The following WNT2B variants were observed in gnomAD, a reference collection of about 807,000 sequenced individuals.
The protein encoded by WNT2B is protein Wnt-2b.
Under a neutral mutation model 40.5 loss-of-function variants are expected in WNT2B, and 19 were observed. The ratio of observed to expected loss-of-function variants is 0.47; its 90% CI spans 0.33 to 0.69. The LOEUF is 0.69. Among genes scored for constraint, WNT2B ranks in the 30% least tolerant of loss-of-function variants. WNT2B has a pLI of 0.02. For synonymous variants in WNT2B, 220 were observed against 211.9 expected, an observed-to-expected ratio of 1.04 and a Z score of -0.33; for missense variants, 467 against 556.4, an observed-to-expected ratio of 0.84 and a Z score of 1.62.
chr1:112,496,097 A>G (rs1456338238), intron 1 of WNT2B, among the ~76,000 whole-genome samples: 1 of 152,156 alleles, frequency 6.6e-6, no homozygotes, highest in African/African-American at 2.4e-5. Flanking sequence ...CATGAATTCC[A>G]TGGGGGATGG....
chr1:112,476,824 G>A (rs919905872), intron 1 of WNT2B, among the ~76,000 whole-genome samples: 2 of 152,140 alleles, frequency 1.3e-5, no homozygotes, highest in African/African-American at 4.8e-5. Context: ...CAGTGGCCAA[G>A]ATTACCAACT....
In WNT2B at chr1:112,491,137, C is replaced by A. The variant is rs186533432; in HGVS notation, c.-95+23546C>A. ...ATTATAAAAAATAAATTGGCCTGCA[C>A]GGTGGCTCGTGCCTGTAATCCCAGC... On this transcript the variant is annotated intron_variant, in intron 1 of 4. Coordinates refer to the WNT2B transcript ENST00000256640. 1.3e-4 allele frequency: 200 copies of A among 1,537,602 alleles called. No individual in the cohort carries two copies. In the East Asian group the frequency reaches 2.9e-3, roughly 22 times the overall value.
intron 1 of WNT2B, among the ~76,000 whole-genome samples, chr1:112,480,138 T>C (rs1279953131): frequency 1.3e-5 from 2 of 152,032 alleles, no homozygotes; most frequent in Non-Finnish European, 2.9e-5. Context: ...GATGGGCAGA[T>C]CACTTGAGGT....
chr1:112,485,169 G>A (rs987647154), intron 1 of WNT2B, among the ~76,000 whole-genome samples: 12 of 152,138 alleles, frequency 7.9e-5, no homozygotes, highest in African/African-American at 2.9e-4. Context: ...TAAAGTTATA[G>A]TCGTCAGGCC....
intron 1 of WNT2B, among the ~76,000 whole-genome samples, chr1:112,468,751 G>T (rs1282836287): frequency 6.6e-6 from 1 of 152,038 alleles, no homozygotes; most frequent in East Asian, 1.9e-4. Context: ...CCATTCAAGA[G>T]GTTGTCTCTT....
intron 1 of WNT2B, among the ~76,000 whole-genome samples, chr1:112,492,695 G>A (rs1042549857): frequency 1.3e-5 from 2 of 152,068 alleles, no homozygotes; most frequent in Admixed American, 6.5e-5. Context: ...TTTTTTTGCA[G>A]AGTCTATCCA....
At chr1:112,473,967 A>G (rs1174985891) in intron 1 of WNT2B, among the ~76,000 whole-genome samples, 1 of 148,114 alleles carries the variant, frequency 6.8e-6, no homozygotes, top group Non-Finnish European at 1.5e-5. Context: ...CGGGAAGCTG[A>G]GGCAGGAGAA....
At chr1:112,508,732 G>C (rs1652213262), upstream of WNT2B, 1 of 985,960 alleles carries the variant, frequency 1.0e-6, no homozygotes, top group Non-Finnish European at 1.2e-6. The surrounding 1 kb of genome is among the most constrained non-coding windows in gnomAD (Gnocchi z 4.2). Flanking sequence ...GGGACTGGGC[G>C]CTTGGGGCGC....
At chr1:112,496,169 A>G (rs570993893) in intron 1 of WNT2B, among the ~76,000 whole-genome samples, 1 of 152,280 alleles carries the variant, frequency 6.6e-6, no homozygotes, top group South Asian at 2.1e-4. Flanking sequence ...GTTAGAGTAC[A>G]GCGATGTAAT....
chr1:112,474,074 A>C (rs1650978568), intron 1 of WNT2B, among the ~76,000 whole-genome samples: 1 of 151,700 alleles, frequency 6.6e-6, no homozygotes, highest in South Asian at 2.1e-4. Flanking sequence ...CAAAAAAAAA[A>C]AAAAAAAAGA....
intron 1 of WNT2B, among the ~76,000 whole-genome samples, chr1:112,490,365 G>A (rs1172018738): frequency 1.3e-5 from 2 of 152,164 alleles, no homozygotes; most frequent in Non-Finnish European, 2.9e-5. Context: ...TGAGAGAAAG[G>A]CTTCTTAGGG....
chr1:112,486,157 A>G (rs1224056180), intron 1 of WNT2B, among the ~76,000 whole-genome samples: 2 of 151,282 alleles, frequency 1.3e-5, no homozygotes, highest in African/African-American at 4.9e-5. Context: ...ACACACACAC[A>G]CCAGGCTGGG....
chr1:112,495,102 A>G (rs1050406842), intron 1 of WNT2B, among the ~76,000 whole-genome samples: 1 of 151,440 alleles, frequency 6.6e-6, no homozygotes, highest in African/African-American at 2.5e-5. Flanking sequence ...ATAAATGTCT[A>G]TTCTGACCAC....
At position 112,521,319 on chromosome 1, in the gene WNT2B, T is replaced by C. The variant is rs1210721180; in HGVS notation, c.*810T>C. The C allele has an allele frequency of 1.3e-5, 2 of 150,418 alleles. No individual in the cohort carries two copies. Among genetic ancestry groups the C allele is most frequent in the African/African-American group, 4.9e-5 (2 of 40,500 alleles). The allele number at this position is 150,418 out of a possible 1,614,324, so 9.3% of individuals were successfully genotyped here. On this transcript the variant is annotated 3_prime_UTR_variant, in exon 5 of 5. Transcript: ENST00000369684. ...GCTAGGCCTTGTGTTGCCTTTTTTT[T>C]TTTTTTTTTTTTCTTTTCTTTTCTT...
intron 1 of WNT2B, among the ~76,000 whole-genome samples, chr1:112,478,771 A>G (rs1651129548): frequency 6.6e-6 from 1 of 152,160 alleles, no homozygotes; most frequent in Admixed American, 6.5e-5. Context: ...AAAAATTTAA[A>G]AATTAGCCAG....
In WNT2B at chr1:112,522,462, AG is replaced by A. The variant is rs1283660233; in HGVS notation, c.*1954del. On this transcript the variant is annotated 3_prime_UTR_variant, in exon 5 of 5. Transcript: ENST00000369684. ...TTTAGGACTATAAAGTATTAACAAA[AG>A]TCTGTAGATTAAGGAGCCTGCATAA... The A allele has an allele frequency of 1.3e-5, 2 of 152,220 alleles. No individual in the cohort carries two copies. The highest frequency in any genetic ancestry group is 2.9e-5 in the Non-Finnish European group (2 of 68,052). 9.4% of individuals were successfully genotyped at this position (152,220 alleles called of 1,614,324 possible).
intron 1 of WNT2B, chr1:112,467,727 T>C: frequency 1.6e-6 from 1 of 620,964 alleles, no homozygotes; most frequent in Non-Finnish European, 2.9e-6. Context: ...AAGCTTGTTA[T>C]ACACGTAGTA....
intron 1 of WNT2B, among the ~76,000 whole-genome samples, chr1:112,468,519 T>C (rs937139991): frequency 6.6e-6 from 1 of 152,176 alleles, no homozygotes; most frequent in Non-Finnish European, 1.5e-5. Context: ...ATATCTCATT[T>C]TGGTTTTGTT....
At chr1:112,490,780 C>A (rs557255484) in intron 1 of WNT2B, among the ~76,000 whole-genome samples, 1 of 152,072 alleles carries the variant, frequency 6.6e-6, no homozygotes, top group African/African-American at 2.4e-5. Flanking sequence ...TGAGCCCCCG[C>A]GCCCGGCCAA....
Sources: allele counts gnomAD v4.1 joint callset (sites outside exome capture counted in the v4.1 genomes callset), GRCh38; gene constraint gnomAD v4.1.1; non-coding constraint Gnocchi (gnomAD v3.1); transcripts MANE v1.5; gene names NCBI Gene and HGNC (gene_info 2026-07-23, HGNC 2026-07-21).